Variants in CRACDL observed in about 807,000 individuals in gnomAD.
The protein encoded by CRACDL is CRACD-like protein.
CRACDL carries 26 observed loss-of-function variants against 70.6 expected under a neutral mutation model. The observed-to-expected ratio is 0.37, with a 90% CI of 0.27 to 0.51. CRACDL has a LOEUF of 0.51. Ranked by LOEUF, CRACDL falls within the 20% of genes least tolerant of loss-of-function variation. The pLI, the probability that CRACDL is intolerant of heterozygous loss-of-function variation, is 0.94. For missense variants in CRACDL, 1,283 were observed against 1,376.9 expected (o/e 0.93, Z 1.08); for synonymous variants, 618 against 615.2 (o/e 1.00, Z -0.07).
intron 1 of CRACDL, among the ~76,000 whole-genome samples, chr2:98,891,339 T>TGCACTCCA (rs1707970284): frequency 1.6e-5 from 2 of 127,358 alleles, no homozygotes; most frequent in African/African-American, 6.2e-5. Flanking sequence ...ATCACGCTAC[T>TGCACTCCA]GCACTCCAGC....
At chr2:98,815,987 G>A (rs1704767859) in intron 7 of CRACDL, among the ~76,000 whole-genome samples, 2 of 152,218 alleles carry the variant, frequency 1.3e-5, no homozygotes, top group Non-Finnish European at 2.9e-5. Context: ...TTAGTTGCTG[G>A]TGTTCACTTG....
intron 1 of CRACDL, among the ~76,000 whole-genome samples, chr2:98,853,260 T>C (rs965734778): frequency 5.3e-5 from 8 of 151,414 alleles, no homozygotes; most frequent in Non-Finnish European, 4.4e-5. Context: ...CAGAGAAAAA[T>C]GACACATCAT....
At chr2:98,856,470 C>A (rs913243119) in intron 1 of CRACDL, among the ~76,000 whole-genome samples, 1 of 143,730 alleles carries the variant, frequency 7.0e-6, no homozygotes, top group African/African-American at 2.5e-5. Context: ...AAAGGAAGTT[C>A]TTCTGGCCAA....
chr2:98,884,869 T>C (rs1490152712), intron 1 of CRACDL, among the ~76,000 whole-genome samples: 1 of 152,154 alleles, frequency 6.6e-6, no homozygotes, highest in African/African-American at 2.4e-5. Context: ...CAGTTCATGG[T>C]ATTCTGTTAG....
chr2:98,887,927 G>A (rs1343115914), intron 1 of CRACDL, among the ~76,000 whole-genome samples: 3 of 152,184 alleles, frequency 2.0e-5, no homozygotes, highest in Non-Finnish European at 4.4e-5. Flanking sequence ...AAGGAATGGG[G>A]AGAAATTGCT....
At chr2:98,890,180 G>A (rs1482885198) in intron 1 of CRACDL, among the ~76,000 whole-genome samples, 2 of 152,004 alleles carry the variant, frequency 1.3e-5, no homozygotes, top group Non-Finnish European at 1.5e-5. Context: ...ATAAAATTGA[G>A]AGTAGAAAAA....
intron 1 of CRACDL, among the ~76,000 whole-genome samples, chr2:98,920,426 G>A (rs1318354206): frequency 6.6e-6 from 1 of 152,128 alleles, no homozygotes; most frequent in African/African-American, 2.4e-5. Context: ...GGCACAGCTG[G>A]TTCCAAAGCC....
chr2:98,802,022 C>A (rs935171609), intron 7 of CRACDL, among the ~76,000 whole-genome samples: 15 of 152,232 alleles, frequency 9.9e-5, no homozygotes, highest in African/African-American at 3.1e-4. Flanking sequence ...ATGGGTTGCA[C>A]CCCAGCCTCT....
In CRACDL at chr2:98,926,921, G is replaced by A. The variant is rs545368961; in HGVS notation, c.-11+9017C>T. ...AGATAGACTCACCAGACAGCCCCTC[G>A]CAACCCACCCACCCTCTCAGCTAGG... On this transcript the variant is annotated intron_variant, in intron 1 of 9. Coordinates refer to ENST00000397899, the MANE Select transcript of CRACDL (RefSeq NM_207362.3). Among the ~76,000 whole-genome samples, 535 of 152,234 alleles carry A rather than the reference G, an allele frequency of 3.5e-3. 1 individual carries two copies. Among genetic ancestry groups the A allele is most frequent in the Non-Finnish European group, 6.3e-3 (427 of 68,006 alleles).
intron 1 of CRACDL, among the ~76,000 whole-genome samples, chr2:98,907,621 G>C (rs1172657256): frequency 6.6e-6 from 1 of 152,136 alleles, no homozygotes; most frequent in East Asian, 1.9e-4. Flanking sequence ...CTTGTACCTT[G>C]GTTTTGAAGG....
intron 1 of CRACDL, among the ~76,000 whole-genome samples, chr2:98,932,108 GGA>G (rs1463780807): frequency 6.6e-6 from 1 of 152,224 alleles, no homozygotes; most frequent in Non-Finnish European, 1.5e-5. Context: ...GAAAACAGAA[GGA>G]TTTTGAACGC....
chr2:98,812,721 T>C (rs531462681), intron 7 of CRACDL, among the ~76,000 whole-genome samples: 2 of 152,164 alleles, frequency 1.3e-5, no homozygotes, highest in African/African-American at 4.8e-5. Context: ...GTTTTTTTTT[T>C]TACTATTGAC....
At chr2:98,934,623 C>T (rs1056861530) in intron 1 of CRACDL, among the ~76,000 whole-genome samples, 1 of 152,282 alleles carries the variant, frequency 6.6e-6, no homozygotes. Flanking sequence ...ATGGATGGTA[C>T]ACTTTATTTT....
chr2:98,931,908 A>T (rs1217122361), intron 1 of CRACDL, among the ~76,000 whole-genome samples: 2 of 152,142 alleles, frequency 1.3e-5, no homozygotes, highest in African/African-American at 4.8e-5. Context: ...TTCATTATCC[A>T]CTTGGCTCAG....
intron 6 of CRACDL, among the ~76,000 whole-genome samples, chr2:98,826,477 G>A (rs558238714): frequency 3.9e-5 from 6 of 152,316 alleles, no homozygotes; most frequent in South Asian, 2.1e-4. Flanking sequence ...GGCATGTGGC[G>A]AGTGTTCTGA....
chr2:98,902,111 T>C (rs888014281), intron 1 of CRACDL, among the ~76,000 whole-genome samples: 33 of 152,202 alleles, frequency 2.2e-4, no homozygotes, highest in African/African-American at 7.7e-4. Flanking sequence ...ACTCTGACAC[T>C]GACCGATCCT....
At chr2:98,844,195 G>A (rs1706152072) in intron 2 of CRACDL, among the ~76,000 whole-genome samples, 2 of 152,134 alleles carry the variant, frequency 1.3e-5, no homozygotes, top group South Asian at 2.1e-4. Context: ...TGTATATGTT[G>A]TATAAACATG....
Position 98,846,884 on chromosome 2 carries a change from G to C in CRACDL, c.-10-74C>G, listed in dbSNP as rs543228507. 14 of 1,246,754 alleles carry C rather than the reference G, an allele frequency of 1.1e-5. No individual in the cohort carries two copies. In the African/African-American group the frequency reaches 2.1e-4, roughly 18 times the overall value. 77.2% of individuals were successfully genotyped at this position (1,246,754 alleles called of 1,614,324 possible). ...TACCAATGAGTGAAATGGTGTTCGT[G>C]ACTGCATTTGCCATGATCTGGCCTG... On this transcript the variant is annotated intron_variant, in intron 1 of 9. Transcript: ENST00000397899.
chr2:98,933,600 A>T (rs1445386983), intron 1 of CRACDL, among the ~76,000 whole-genome samples: 1 of 152,140 alleles, frequency 6.6e-6, no homozygotes, highest in Admixed American at 6.6e-5. Flanking sequence ...GTCCACCTGC[A>T]ACACAAGCAG....
Sources: allele counts gnomAD v4.1 joint callset (sites outside exome capture counted in the v4.1 genomes callset), GRCh38; gene constraint gnomAD v4.1.1; transcripts MANE v1.5; gene names NCBI Gene and HGNC (gene_info 2026-07-23, HGNC 2026-07-21).